MEGF11: variants seen among roughly 807,000 people sequenced by gnomAD.
MEGF11 encodes multiple epidermal growth factor-like domains protein 11.
Under a neutral mutation model 146.6 loss-of-function variants are expected in MEGF11, and 126 were observed. The observed-to-expected ratio is 0.86, with a 90% CI of 0.74 to 1.00. MEGF11 has a LOEUF of 1.00. Among genes scored for constraint, MEGF11 ranks in the 50% least tolerant of loss-of-function variants. The pLI is 0.00. For missense variants in MEGF11, 1,509 were observed against 1,521.2 expected, an observed-to-expected ratio of 0.99 and a Z score of 0.13; for synonymous variants, 532 against 583.4, an observed-to-expected ratio of 0.91 and a Z score of 1.27.
intron 1 of MEGF11, among the ~76,000 whole-genome samples, chr15:66,191,036 A>C (rs1188137529): frequency 6.6e-6 from 1 of 152,188 alleles, no homozygotes; most frequent in Non-Finnish European, 1.5e-5. Flanking sequence ...GTGAGGACAC[A>C]GCCCGGCTGG....
intron 1 of MEGF11, among the ~76,000 whole-genome samples, chr15:66,150,555 G>A (rs1050602907): frequency 6.6e-6 from 1 of 151,614 alleles, no homozygotes; most frequent in Non-Finnish European, 1.5e-5. Context: ...GGGCAAGCAG[G>A]CCTATCCCTT....
intron 8 of MEGF11, among the ~76,000 whole-genome samples, chr15:65,965,624 T>TCTTTCTTTCTTTC (rs1567180177): frequency 8.4e-6 from 1 of 118,734 alleles, no homozygotes; most frequent in African/African-American, 2.9e-5. Flanking sequence ...TTTTTTTTTT[T>TCTTTCTTTCTTTC]TTTGGCTCTT....
intron 5 of MEGF11, among the ~76,000 whole-genome samples, chr15:65,993,530 G>C (rs992869199): frequency 2.6e-5 from 4 of 152,186 alleles, no homozygotes; most frequent in South Asian, 2.1e-4. Context: ...CTCTTTGGAA[G>C]AGCCTTTCAA....
intron 1 of MEGF11, among the ~76,000 whole-genome samples, chr15:66,232,743 G>C (rs2091994439): frequency 6.6e-6 from 1 of 152,166 alleles, no homozygotes; most frequent in South Asian, 2.1e-4. Context: ...GAAAAGGAAA[G>C]GCAAGGAGTT....
chr15:66,146,463 A>G (rs1231595793), intron 1 of MEGF11, among the ~76,000 whole-genome samples: 1 of 152,226 alleles, frequency 6.6e-6, no homozygotes, highest in Non-Finnish European at 1.5e-5. Flanking sequence ...ACCAAAGGCC[A>G]CCGTTTGGAT....
Position 65,957,623 on chromosome 15 carries a change from T to C in MEGF11, c.1211A>G (p.Gln404Arg), listed in dbSNP as rs748726700. The change falls in exon 10 of 26, where the codon CAG (glutamine) becomes CGG (arginine). Residue 404 changes from glutamine to arginine, a missense_variant. Gln to Arg is a conservative substitution (Grantham distance 43, BLOSUM62 1). Transcript: ENST00000395614. ...CPVGYYGDGCQLPCTCQNGAD... is the reference protein window; with the variant it reads ...CPVGYYGDGCRLPCTCQNGAD... ...GCCATTCTGACAGGTGCAAGGCAGC[T>C]GGCAGCCATCGCCATAGTAGCCAAC... 1.5e-5 allele frequency: 24 copies of C among 1,613,862 alleles called. No individual in the cohort carries two copies. The highest frequency in any genetic ancestry group is 1.9e-5 in the Non-Finnish European group (23 of 1,179,900).
chr15:66,041,004 T>G (rs1420820940), intron 5 of MEGF11, among the ~76,000 whole-genome samples: 1 of 151,926 alleles, frequency 6.6e-6, no homozygotes, highest in Non-Finnish European at 1.5e-5. Context: ...GTCCTGGCTA[T>G]ATCTCTCTCA....
At chr15:65,911,429 T>C (rs1033706137) in intron 21 of MEGF11, among the ~76,000 whole-genome samples, 1 of 152,244 alleles carries the variant, frequency 6.6e-6, no homozygotes, top group African/African-American at 2.4e-5. Context: ...TTGTTGTTTT[T>C]TGAGGTGGAG....
At chr15:65,915,431 C>CT in intron 19 of MEGF11, 39 bp downstream of exon 19, 3 of 1,606,196 alleles carry the variant, frequency 1.9e-6, no homozygotes, top group Non-Finnish European at 2.6e-6. Context: ...CCATGGGGCC[C>CT]TTTCCACAGA....
chr15:65,952,447 G>C (rs1445727046), intron 10 of MEGF11, among the ~76,000 whole-genome samples: 1 of 152,150 alleles, frequency 6.6e-6, no homozygotes, highest in Non-Finnish European at 1.5e-5. Context: ...GTGAAGAAAG[G>C]TCCTCACCTC....
chr15:66,121,774 A>G (rs2088036726), intron 3 of MEGF11, among the ~76,000 whole-genome samples: 1 of 152,222 alleles, frequency 6.6e-6, no homozygotes, highest in Non-Finnish European at 1.5e-5. Flanking sequence ...TATGGAGGAC[A>G]TATTCCAAGC....
At chr15:66,107,779 A>C (rs1993832) in intron 4 of MEGF11, among the ~76,000 whole-genome samples, 130,961 of 152,122 alleles carry the variant, frequency 0.86, 57,743 homozygotes, top group Non-Finnish European at 0.97. Flanking sequence ...CCTTGAGTGT[A>C]CCCTGGAAAA....
intron 10 of MEGF11, among the ~76,000 whole-genome samples, chr15:65,935,135 A>G (rs1380758842): frequency 6.6e-6 from 1 of 151,926 alleles, no homozygotes; most frequent in Non-Finnish European, 1.5e-5. Flanking sequence ...CCTGGCCAAC[A>G]TGGTGAAACC....
At chr15:65,940,153 A>G (rs1432488180) in intron 10 of MEGF11, among the ~76,000 whole-genome samples, 2 of 152,132 alleles carry the variant, frequency 1.3e-5, no homozygotes, top group East Asian at 1.9e-4. Context: ...CCCTACTTCC[A>G]TGGGTTCTGC....
At chr15:66,193,129 G>A (rs1035715812) in intron 1 of MEGF11, among the ~76,000 whole-genome samples, 5 of 152,188 alleles carry the variant, frequency 3.3e-5, no homozygotes, top group African/African-American at 9.6e-5. Flanking sequence ...AACCCATGCC[G>A]AATATACCAT....
intron 5 of MEGF11, among the ~76,000 whole-genome samples, chr15:66,002,642 A>T (rs2082401002): frequency 6.6e-6 from 1 of 152,256 alleles, no homozygotes; most frequent in Non-Finnish European, 1.5e-5. Context: ...TAGCATTGAC[A>T]TGGTAGGGTA....
chr15:65,998,263 C>T (rs568562042), intron 5 of MEGF11, among the ~76,000 whole-genome samples: 7 of 152,282 alleles, frequency 4.6e-5, no homozygotes, highest in Admixed American at 2.0e-4. Context: ...AGGCCAGTGC[C>T]TGCTCGCTTA....
chr15:66,229,714 G>A (rs1344423283), intron 1 of MEGF11, among the ~76,000 whole-genome samples: 2 of 151,072 alleles, frequency 1.3e-5, no homozygotes, highest in Non-Finnish European at 3.0e-5. Context: ...CCCACAGGGA[G>A]GAAGGGCCCT....
At chr15:66,002,338 G>A (rs578002808) in intron 5 of MEGF11, among the ~76,000 whole-genome samples, 1 of 152,298 alleles carries the variant, frequency 6.6e-6, no homozygotes, top group South Asian at 2.1e-4. Flanking sequence ...CCTCAGTAGA[G>A]CTCTCTAGGG....
Sources: gnomAD v4.1 joint callset for allele counts (sites outside exome capture counted in the v4.1 genomes callset) on GRCh38, gnomAD v4.1.1 for gene constraint, MANE v1.5 for transcripts, NCBI Gene and HGNC (gene_info 2026-07-23, HGNC 2026-07-21) for gene names.